Variants in GSG1L observed in about 807,000 individuals in gnomAD.
GSG1L encodes the protein GSG1 like, also known as germ cell-specific gene 1-like protein.
Under a neutral mutation model 42.1 loss-of-function variants are expected in GSG1L, and 24 were observed. That is an observed-to-expected ratio of 0.57 (90% CI 0.41 to 0.80). The LOEUF is 0.80. Ranked by LOEUF, GSG1L falls within the 30% of genes least tolerant of loss-of-function variation. The probability of loss-of-function intolerance (pLI) is 0.00; values close to 1 mark genes in which losing one functional copy is unlikely to be tolerated. For synonymous variants in GSG1L, 215 were observed against 203.5 expected, an observed-to-expected ratio of 1.06 and a Z score of -0.48; for missense variants, 445 against 472.2, an observed-to-expected ratio of 0.94 and a Z score of 0.53.
At chr16:27,957,108 G>C (rs1313632530) in intron 2 of GSG1L, among the ~76,000 whole-genome samples, 1 of 152,204 alleles carries the variant, frequency 6.6e-6, no homozygotes, top group African/African-American at 2.4e-5. Flanking sequence ...CAGCACATTG[G>C]TAGGCCAAGG....
intron 1 of GSG1L, among the ~76,000 whole-genome samples, chr16:27,973,391 CT>C (rs1174952555): frequency 1.6e-5 from 2 of 121,826 alleles, no homozygotes; most frequent in African/African-American, 6.4e-5. Context: ...TTGCAGTGAG[CT>C]GAGATTTTGA....
chr16:28,027,751 G>A (rs1010810224), intron 1 of GSG1L, among the ~76,000 whole-genome samples: 4 of 152,176 alleles, frequency 2.6e-5, no homozygotes, highest in African/African-American at 9.6e-5. Context: ...GCCAGGCACC[G>A]TGGCTCAAGT....
chr16:27,869,108 A>T (rs1442658688), intron 3 of GSG1L, among the ~76,000 whole-genome samples: 1 of 151,912 alleles, frequency 6.6e-6, no homozygotes, highest in Non-Finnish European at 1.5e-5. Flanking sequence ...GTCCTCCCAG[A>T]GCTGGGGGTC....
intron 5 of GSG1L, among the ~76,000 whole-genome samples, chr16:27,817,679 T>A (rs1442212982): frequency 2.6e-5 from 4 of 152,042 alleles, no homozygotes; most frequent in Non-Finnish European, 5.9e-5. Context: ...TTTCAATCTG[T>A]CTTGAACCAA....
At chr16:28,061,455 C>T (rs952130204) in intron 1 of GSG1L, among the ~76,000 whole-genome samples, 5 of 152,150 alleles carry the variant, frequency 3.3e-5, no homozygotes, top group South Asian at 2.1e-4. Context: ...GCTCAAGTCA[C>T]AGAAAAGTTT....
intron 2 of GSG1L, among the ~76,000 whole-genome samples, chr16:27,917,490 T>A (rs982257332): frequency 2.6e-5 from 4 of 151,994 alleles, no homozygotes; most frequent in Admixed American, 6.6e-5. Flanking sequence ...AGGAACAGAA[T>A]AAGCAAAAGA....
At chr16:27,876,501 A>C (rs1012515291) in intron 3 of GSG1L, among the ~76,000 whole-genome samples, 5 of 152,020 alleles carry the variant, frequency 3.3e-5, no homozygotes, top group Non-Finnish European at 7.4e-5. Flanking sequence ...GCTCACATTC[A>C]CTCCTAAAAG....
chr16:28,020,172 C>T (rs948212000), intron 1 of GSG1L, among the ~76,000 whole-genome samples: 2 of 152,214 alleles, frequency 1.3e-5, no homozygotes. Flanking sequence ...ATCGGCCCTA[C>T]TGTCTTGCTG....
At chr16:28,007,115 C>A (rs1027633367) in intron 1 of GSG1L, among the ~76,000 whole-genome samples, 1 of 152,156 alleles carries the variant, frequency 6.6e-6, no homozygotes, top group African/African-American at 2.4e-5. Context: ...TCCTAATCCT[C>A]GGAATCTGTG....
intron 1 of GSG1L, among the ~76,000 whole-genome samples, chr16:28,037,112 C>T (rs1421212947): frequency 6.6e-6 from 1 of 151,236 alleles, no homozygotes; most frequent in Non-Finnish European, 1.5e-5. Context: ...CTGCAACCTC[C>T]GCCTCCCAGG....
In GSG1L at chr16:27,960,698, G is replaced by T. The variant is rs557313595; in HGVS notation, c.397+2458C>A. Among the ~76,000 whole-genome samples, 4 of 152,308 alleles carry T rather than the reference G, an allele frequency of 2.6e-5. No homozygotes were observed. The East Asian group carries it at 7.7e-4, about 29-fold the overall frequency. Reference sequence around the variant, plus strand: ...GTTACTGCGGGTGTCTACTGGAAGGGCTGGGCCCGTATACATGGGGGGAGG... The same window carrying T: ...GTTACTGCGGGTGTCTACTGGAAGGTCTGGGCCCGTATACATGGGGGGAGG... On this transcript the variant is annotated intron_variant, in intron 2 of 6. Transcript: ENST00000447459.
intron 3 of GSG1L, chr16:27,863,359 GA>G (rs957142067): frequency 1.1e-4 from 17 of 152,086 alleles, no homozygotes; most frequent in Non-Finnish European, 2.4e-4. Flanking sequence ...ATTTTTACAA[GA>G]AAAAAATTCT....
intron 3 of GSG1L, among the ~76,000 whole-genome samples, chr16:27,856,819 T>C (rs2083584725): frequency 6.6e-6 from 1 of 152,194 alleles, no homozygotes; most frequent in East Asian, 1.9e-4. Context: ...AGGAGCAGAA[T>C]GCAGACAGAT....
At chr16:27,895,233 C>T (rs990280080) in intron 2 of GSG1L, among the ~76,000 whole-genome samples, 17 of 152,094 alleles carry the variant, frequency 1.1e-4, no homozygotes, top group African/African-American at 3.6e-4. Flanking sequence ...TTTCTGGATT[C>T]GTTTGCAAAA....
At chr16:27,792,110 C>A (rs1331715984) in intron 6 of GSG1L, among the ~76,000 whole-genome samples, 1 of 152,158 alleles carries the variant, frequency 6.6e-6, no homozygotes, top group Non-Finnish European at 1.5e-5. Context: ...CCACCACCAT[C>A]CTGTCATCCT....
chr16:28,061,519 G>A (rs739591), intron 1 of GSG1L, among the ~76,000 whole-genome samples: 69,560 of 151,842 alleles, frequency 0.46, 16,162 homozygotes, highest in East Asian at 0.69. Context: ...GGAAGCCTCC[G>A]GTTCATCATC....
chr16:28,063,190 T>C lies in GSG1L; in HGVS notation c.235A>G (p.Asn79Asp), dbSNP rs749368049. 3.8e-6 allele frequency: 5 copies of C among 1,303,944 alleles called. No homozygotes were observed. The highest frequency in any genetic ancestry group is 2.9e-6 in the Non-Finnish European group (3 of 1,027,336). The allele number at this position is 1,303,944 out of a possible 1,614,324, so 80.8% of individuals were successfully genotyped here. The change falls in exon 1 of 7, where the codon AAC (asparagine) becomes GAC (aspartate). Residue 79 changes from asparagine to aspartate, a missense_variant. Around this residue, in one of 3 missense-constraint regions of GSG1L, gnomAD observed 156 missense variants for 128.3 expected, o/e 1.22. Coordinates refer to ENST00000447459, the MANE Select transcript of GSG1L (RefSeq NM_001109763.2). This position sits in a 1 kb window ranked among gnomAD's most constrained non-coding sequence, Gnocchi z 5.8. ...AAAAAATASG[N>D]GPPGGALYSW... ...TAGAGCGCGCCGCCAGGGGGGCCGT[T>C]CCCCGAGGCGGTGGCGGCGGCGGCG...
intron 3 of GSG1L, among the ~76,000 whole-genome samples, chr16:27,860,850 G>T (rs533565144): frequency 1.9e-4 from 29 of 152,352 alleles, no homozygotes; most frequent in Admixed American, 5.2e-4. Flanking sequence ...GGGCCAGTGG[G>T]AGGCTGGGCG....
chr16:27,856,322 T>C (rs1428193750), intron 3 of GSG1L, among the ~76,000 whole-genome samples: 1 of 152,206 alleles, frequency 6.6e-6, no homozygotes. Flanking sequence ...TTCTATTTTA[T>C]TTTATTTTTC....
Sources: gnomAD v4.1 joint callset for allele counts (sites outside exome capture counted in the v4.1 genomes callset) on GRCh38, gnomAD v4.1.1 for gene constraint, gnomAD v4.1.1 regional missense constraint, Gnocchi (gnomAD v3.1) non-coding constraint, MANE v1.5 for transcripts, NCBI Gene and HGNC (gene_info 2026-07-23, HGNC 2026-07-21) for gene names.